USP12: variants seen among roughly 807,000 people sequenced by gnomAD.
USP12 encodes the protein ubiquitin carboxyl-terminal hydrolase 12.
Under a neutral mutation model 45.5 loss-of-function variants are expected in USP12, and 19 were observed. The ratio of observed to expected loss-of-function variants is 0.42; its 90% CI spans 0.29 to 0.61. The LOEUF (loss-of-function observed/expected upper bound fraction) is 0.61. Ranked by LOEUF, USP12 falls within the 20% of genes least tolerant of loss-of-function variation. The pLI is 0.22. For synonymous variants in USP12, 149 were observed against 148.8 expected, an observed-to-expected ratio of 1.00 and a Z score of -0.01; for missense variants, 242 against 447.7, an observed-to-expected ratio of 0.54 and a Z score of 4.15.
Position 27,171,730 on chromosome 13 carries a change from G to GGCGGACCCCGAGCCGCC in USP12, c.-108_-92dup. The GGCGGACCCCGAGCCGCC allele has an allele frequency of 1.2e-6, 1 of 857,430 alleles. No individual in the cohort carries two copies. The highest frequency in any genetic ancestry group is 1.5e-6 in the Non-Finnish European group (1 of 687,782). The allele number at this position is 857,430 out of a possible 1,614,324, so 53.1% of individuals were successfully genotyped here. On this transcript the variant is annotated 5_prime_UTR_variant, in exon 1 of 9. Coordinates refer to ENST00000282344, the MANE Select transcript of USP12 (RefSeq NM_182488.4). Reference sequence around the variant, plus strand: ...CCGCCCGCTCGCACCGCAGCCCGCGGGCGGACCCCGAGCCGCCGCGGACCC... The same window carrying GGCGGACCCCGAGCCGCC: ...CCGCCCGCTCGCACCGCAGCCCGCGGGCGGACCCCGAGCCGCCGCGGACCCCGAGCCGCCGCGGACCC...
intron 6 of USP12, among the ~76,000 whole-genome samples, chr13:27,086,176 A>T (rs1345658808): frequency 3.4e-5 from 1 of 29,622 alleles, no homozygotes; most frequent in Admixed American, 4.4e-4. Context: ...TGTCTCTTTA[A>T]AAAAAAAAAA....
At chr13:27,132,708 A>G (rs1181206497) in intron 1 of USP12, among the ~76,000 whole-genome samples, 3 of 152,222 alleles carry the variant, frequency 2.0e-5, no homozygotes, top group Non-Finnish European at 2.9e-5. Flanking sequence ...GTTAACAAGA[A>G]GAGCAGTACT....
intron 7 of USP12, 118 bp downstream of exon 7, chr13:27,075,073 C>A: frequency 1.1e-6 from 1 of 882,082 alleles, no homozygotes; most frequent in Non-Finnish European, 1.6e-6. Flanking sequence ...ATAAAATTAT[C>A]TTGAGAGAAT....
intron 1 of USP12, among the ~76,000 whole-genome samples, chr13:27,142,403 A>G (rs1877105408): frequency 6.6e-6 from 1 of 152,240 alleles, no homozygotes; most frequent in Non-Finnish European, 1.5e-5. Flanking sequence ...ACTGGGCATT[A>G]CTGAGATAAC....
chr13:27,131,981 G>A (rs1296417171), intron 1 of USP12, among the ~76,000 whole-genome samples: 4 of 152,038 alleles, frequency 2.6e-5, no homozygotes, highest in East Asian at 1.9e-4. Context: ...TTTTTATTAC[G>A]TGTCACTGGG....
intron 3 of USP12, among the ~76,000 whole-genome samples, chr13:27,099,688 AT>A (rs11335488): frequency 0.98 from 149,389 of 152,092 alleles, 73,420 homozygotes; most frequent in East Asian, 1. Flanking sequence ...ATTCACAATA[AT>A]TTTTTTTCAC....
intron 1 of USP12, among the ~76,000 whole-genome samples, chr13:27,148,795 T>TACACACAAACACACACAC (rs1877431589): frequency 7.1e-6 from 1 of 141,736 alleles, no homozygotes; most frequent in Non-Finnish European, 1.5e-5. Flanking sequence ...ATCATCTTAA[T>TACACACAAACACACACAC]ACACACACAC....
At chr13:27,071,518 T>C (rs960883924) in intron 7 of USP12, among the ~76,000 whole-genome samples, 23 of 152,208 alleles carry the variant, frequency 1.5e-4, no homozygotes, top group Non-Finnish European at 2.5e-4. Context: ...AGTTGGACTA[T>C]AAAACAATGC....
intron 6 of USP12, among the ~76,000 whole-genome samples, chr13:27,083,764 A>C (rs1370741031): frequency 7.9e-5 from 12 of 152,140 alleles, no homozygotes; most frequent in Admixed American, 7.9e-4. Context: ...TATAAAGCAA[A>C]TTCATTTGAT....
intron 2 of USP12, among the ~76,000 whole-genome samples, chr13:27,107,576 G>C (rs1875201766): frequency 1.3e-5 from 2 of 152,206 alleles, no homozygotes. Flanking sequence ...ATGTTTGTGT[G>C]TACGTGTTTT....
At chr13:27,121,295 CTA>C (rs1593195015) in intron 1 of USP12, among the ~76,000 whole-genome samples, 1 of 148,878 alleles carries the variant, frequency 6.7e-6, no homozygotes, top group African/African-American at 2.5e-5. Context: ...TTTCCACTGA[CTA>C]TGTGATCTTA....
At chr13:27,081,009 ATTTTTTT>A (rs372527345) in intron 6 of USP12, among the ~76,000 whole-genome samples, 1 of 114,622 alleles carries the variant, frequency 8.7e-6, no homozygotes, top group African/African-American at 3.3e-5. Context: ...GGCTGAGGCA[ATTTTTTT>A]TTTTTTTTTT....
intron 6 of USP12, among the ~76,000 whole-genome samples, chr13:27,080,592 G>T (rs567544260): frequency 6.6e-6 from 1 of 152,162 alleles, no homozygotes; most frequent in African/African-American, 2.4e-5. Flanking sequence ...CTTGAGAGAG[G>T]AAAGATGAGA....
intron 1 of USP12, among the ~76,000 whole-genome samples, chr13:27,142,382 T>G (rs1468324208): frequency 1.3e-5 from 2 of 152,162 alleles, no homozygotes; most frequent in Non-Finnish European, 2.9e-5. Context: ...TAATGCATGA[T>G]CATCTTTGAT....
chr13:27,095,739 C>T lies in USP12; in HGVS notation c.435G>A (p.Lys145=). 1 of 1,612,816 alleles carries T rather than the reference C, an allele frequency of 6.2e-7. No individual in the cohort carries two copies. The highest frequency in any genetic ancestry group is 1.3e-5 in the African/African-American group (1 of 74,994). ...TIADILQEER[K]QEKQNGRLPN... is the part of the protein sequence containing the mutation. The stretch of plus-strand genomic sequence containing the variant: ...GTAAACGACCATTTTGTTTTTCCTG[C>T]TTTCTCTCTTCTTGTAAAATATCAG... Residue 145 remains lysine, a synonymous_variant, in exon 4 of 9, where the codon AAG becomes AAA. Coordinates refer to ENST00000282344, the MANE Select transcript of USP12 (RefSeq NM_182488.4).
chr13:27,137,596 A>T (rs1876862823), intron 1 of USP12, among the ~76,000 whole-genome samples: 1 of 152,220 alleles, frequency 6.6e-6, no homozygotes, highest in Non-Finnish European at 1.5e-5. Flanking sequence ...ACACTGATTA[A>T]ACCTCAGTCA....
chr13:27,088,684 T>C (rs1874181709), intron 6 of USP12, among the ~76,000 whole-genome samples: 1 of 152,214 alleles, frequency 6.6e-6, no homozygotes, highest in African/African-American at 2.4e-5. Flanking sequence ...GAGCTTCCTG[T>C]GTTGTCACAA....
chr13:27,073,223 G>A (rs536916983), intron 7 of USP12, among the ~76,000 whole-genome samples: 30 of 152,186 alleles, frequency 2.0e-4, no homozygotes, highest in African/African-American at 7.0e-4. Flanking sequence ...GGGTGGGGGC[G>A]GGATACCAAA....
intron 4 of USP12, among the ~76,000 whole-genome samples, chr13:27,094,806 A>G (rs560240000): frequency 1.3e-5 from 2 of 152,224 alleles, no homozygotes; most frequent in South Asian, 4.2e-4. Context: ...ACTAAATGCA[A>G]TGTCCCCCTC....
Sources: allele counts gnomAD v4.1 joint callset (sites outside exome capture counted in the v4.1 genomes callset), GRCh38; gene constraint gnomAD v4.1.1; transcripts MANE v1.5; gene names NCBI Gene and HGNC (gene_info 2026-07-23, HGNC 2026-07-21).